The following CTNND2 variants were observed in gnomAD, a reference collection of about 807,000 sequenced individuals.
CTNND2 encodes catenin delta 2.
A neutral mutation model predicts 144.4 loss-of-function variants in CTNND2; 22 were observed. The ratio of observed to expected loss-of-function variants is 0.15; its 90% CI spans 0.11 to 0.22. The LOEUF is 0.22. Among genes scored for constraint, CTNND2 ranks in the 10% least tolerant of loss-of-function variants. The pLI, the probability that CTNND2 is intolerant of heterozygous loss-of-function variation, is 1.00. For missense variants in CTNND2, 1,353 were observed against 1,618.8 expected, an observed-to-expected ratio of 0.84 and a Z score of 2.82; for synonymous variants, 751 against 695.6, an observed-to-expected ratio of 1.08 and a Z score of -1.25.
At chr5:11,854,099 C>T (rs10059111) in intron 1 of CTNND2, among the ~76,000 whole-genome samples, 105,465 of 152,158 alleles carry the variant, frequency 0.69, 36,662 homozygotes, top group South Asian at 0.78. Flanking sequence ...CCAGCCACAC[C>T]GTCCTCCTTG....
At chr5:11,301,944 T>C (rs576321950) in intron 9 of CTNND2, among the ~76,000 whole-genome samples, 4 of 152,058 alleles carry the variant, frequency 2.6e-5, no homozygotes, top group East Asian at 1.9e-4. Flanking sequence ...TCGGACTGAG[T>C]TGTGTCCTTG....
chr5:11,745,105 A>G (rs964563572), intron 1 of CTNND2, among the ~76,000 whole-genome samples: 2 of 152,158 alleles, frequency 1.3e-5, no homozygotes, highest in African/African-American at 4.8e-5. Flanking sequence ...AATTTCAGGA[A>G]ATAACCTATA....
At chr5:11,879,132 G>A (rs553741672) in intron 1 of CTNND2, among the ~76,000 whole-genome samples, 41 of 151,906 alleles carry the variant, frequency 2.7e-4, no homozygotes, top group African/African-American at 9.2e-4. Flanking sequence ...GCAGCACCAC[G>A]GAGCCCCAAG....
At chr5:11,464,078 A>T (rs1429709417) in intron 3 of CTNND2, among the ~76,000 whole-genome samples, 2 of 152,170 alleles carry the variant, frequency 1.3e-5, no homozygotes, top group Non-Finnish European at 2.9e-5. Context: ...TAAAAATTAA[A>T]TTCTAAGTAG....
intron 9 of CTNND2, among the ~76,000 whole-genome samples, chr5:11,262,704 G>T (rs27518): frequency 0.011 from 1,350 of 127,484 alleles, 16 homozygotes; most frequent in African/African-American, 0.038. Flanking sequence ...AGAGGTTGCA[G>T]TGAGTCGAGA....
chr5:11,828,701 C>A (rs1422058750), intron 1 of CTNND2, among the ~76,000 whole-genome samples: 1 of 152,142 alleles, frequency 6.6e-6, no homozygotes, highest in Non-Finnish European at 1.5e-5. Context: ...AAAAATTACC[C>A]AGTCTCACAT....
chr5:11,166,496 G>A (rs188037536), intron 11 of CTNND2, among the ~76,000 whole-genome samples: 5 of 151,416 alleles, frequency 3.3e-5, no homozygotes, highest in East Asian at 2.0e-4. Context: ...TGATCCACCC[G>A]CTTTGGCCTC....
At chr5:11,872,510 A>G (rs955596753) in intron 1 of CTNND2, among the ~76,000 whole-genome samples, 6 of 152,212 alleles carry the variant, frequency 3.9e-5, no homozygotes, top group African/African-American at 1.4e-4. Flanking sequence ...ACAGTGTAAA[A>G]GCATTCCTAT....
intron 2 of CTNND2, among the ~76,000 whole-genome samples, chr5:11,726,947 ATAACT>A (rs1392869522): frequency 1.3e-5 from 2 of 152,184 alleles, no homozygotes; most frequent in Admixed American, 1.3e-4. Flanking sequence ...AAAAGTCAAA[ATAACT>A]TAGAGTAACT....
At chr5:11,696,286 A>ATAT (rs560499690) in intron 2 of CTNND2, among the ~76,000 whole-genome samples, 238 of 142,302 alleles carry the variant, frequency 1.7e-3, no homozygotes, top group African/African-American at 6.6e-3. Flanking sequence ...ATGTCATGAA[A>ATAT]TATTCTTCTT....
intron 12 of CTNND2, among the ~76,000 whole-genome samples, chr5:11,152,555 G>A (rs112125030): frequency 0.014 from 2,097 of 152,262 alleles, 41 homozygotes; most frequent in African/African-American, 0.047. Flanking sequence ...CGTTCCTGTT[G>A]TTATGCCATG....
chr5:11,218,875 T>G (rs1048756843), intron 10 of CTNND2, among the ~76,000 whole-genome samples: 1 of 152,206 alleles, frequency 6.6e-6, no homozygotes, highest in Non-Finnish European at 1.5e-5. Flanking sequence ...TGGGTCTTTC[T>G]GGCAGAGAGG....
chr5:11,054,585 C>A (rs1420561405), intron 16 of CTNND2, among the ~76,000 whole-genome samples: 1 of 152,070 alleles, frequency 6.6e-6, no homozygotes, highest in Non-Finnish European at 1.5e-5. Flanking sequence ...CCAGTCCCCA[C>A]GCTTGCCTCC....
intron 3 of CTNND2, among the ~76,000 whole-genome samples, chr5:11,468,589 C>T (rs992723842): frequency 6.6e-6 from 1 of 152,110 alleles, no homozygotes; most frequent in African/African-American, 2.4e-5. Context: ...AAAGGGTGCT[C>T]GGACAATACT....
intron 3 of CTNND2, among the ~76,000 whole-genome samples, chr5:11,434,891 A>T (rs1242065412): frequency 2.0e-5 from 3 of 152,196 alleles, no homozygotes; most frequent in Non-Finnish European, 4.4e-5. Flanking sequence ...TAAATAGATT[A>T]TGTAATCAAA....
At position 11,441,057 on chromosome 5, in the gene CTNND2, A is replaced by T. The variant is rs569595293; in HGVS notation, c.288-28988T>A. On this transcript the variant is annotated intron_variant, in intron 3 of 21. Coordinates refer to ENST00000304623, the MANE Select transcript of CTNND2 (RefSeq NM_001332.4). ...TACTTTTGTTATCTAAAGAGCTGAA[A>T]ACATAATGTATTATCATTACATTGA... Among the ~76,000 whole-genome samples, 3 of 152,330 alleles carry T rather than the reference A, an allele frequency of 2.0e-5. No homozygotes were observed. In the East Asian group the frequency reaches 5.8e-4, roughly 29 times the overall value.
chr5:11,058,998 A>G (rs1746634528), intron 16 of CTNND2, among the ~76,000 whole-genome samples: 2 of 152,204 alleles, frequency 1.3e-5, no homozygotes, highest in African/African-American at 4.8e-5. Context: ...ACCCCATTGT[A>G]TCTAGGAAGT....
chr5:11,710,689 C>G (rs373316624), intron 2 of CTNND2, among the ~76,000 whole-genome samples: 1 of 152,122 alleles, frequency 6.6e-6, no homozygotes, highest in Non-Finnish European at 1.5e-5. Context: ...CAAACATGAA[C>G]TTTAACTCTA....
In CTNND2 at chr5:11,128,778, A is replaced by AT. The variant is rs1561349642; in HGVS notation, c.2160-11212_2160-11211insA. 4.1e-3 allele frequency among the ~76,000 whole-genome samples: 152 copies of AT among 37,122 alleles called. 1 individual carries two copies. The highest frequency in any genetic ancestry group is 0.011 in the African/African-American group (125 of 11,356). The allele number at this position is 37,122 out of a possible 152,430, so 24.4% of individuals were successfully genotyped here. ...TATATAAATATATATATTATATATA[A>AT]AATATATAAATATATATTATATATA... On this transcript the variant is annotated intron_variant, in intron 12 of 21. Transcript: ENST00000304623.
Sources: allele counts gnomAD v4.1 joint callset (sites outside exome capture counted in the v4.1 genomes callset), GRCh38; gene constraint gnomAD v4.1.1; transcripts MANE v1.5; gene names NCBI Gene and HGNC (gene_info 2026-07-23, HGNC 2026-07-21).